The following UFL1 variants were observed in gnomAD, a reference collection of about 807,000 sequenced individuals.
The protein encoded by UFL1 is E3 UFM1-protein ligase 1.
A neutral mutation model predicts 99.3 loss-of-function variants in UFL1; 78 were observed. The ratio of observed to expected loss-of-function variants is 0.79; its 90% CI spans 0.65 to 0.95. The LOEUF is 0.95. Ranked by LOEUF, UFL1 falls within the 40% of genes least tolerant of loss-of-function variation. The pLI is 0.00. For missense variants in UFL1, 936 were observed against 937.0 expected, an observed-to-expected ratio of 1.00 and a Z score of 0.01; for synonymous variants, 335 against 322.2, an observed-to-expected ratio of 1.04 and a Z score of -0.42.
chr6:96,552,294 G>A (rs573659028), intron 17 of UFL1, among the ~76,000 whole-genome samples, 188 bp from the exon 18 acceptor site: 1 of 151,862 alleles, frequency 6.6e-6, no homozygotes, highest in Non-Finnish European at 1.5e-5. Context: ...CTTTAATTTT[G>A]TAGCACACTA....
chr6:96,537,142 AC>A (rs1043671098), intron 8 of UFL1, among the ~76,000 whole-genome samples: 2 of 151,656 alleles, frequency 1.3e-5, no homozygotes, highest in African/African-American at 2.4e-5. Flanking sequence ...TTTTTTCCTT[AC>A]GTTTTCTTGA....
intron 12 of UFL1, among the ~76,000 whole-genome samples, chr6:96,543,396 A>G (rs558923067): frequency 1.3e-5 from 2 of 151,392 alleles, no homozygotes; most frequent in Non-Finnish European, 3.0e-5. Flanking sequence ...CAAAGCATGT[A>G]GCTGTATTGC....
intron 9 of UFL1, among the ~76,000 whole-genome samples, 176 bp downstream of exon 9, chr6:96,537,725 AT>A (rs758100106): frequency 4.5e-4 from 69 of 151,968 alleles, no homozygotes; most frequent in Middle Eastern, 6.8e-3. Context: ...GACCTTCTAC[AT>A]GTGGACAGTC....
At chr6:96,522,172 G>A (rs1432378029) in intron 1 of UFL1, among the ~76,000 whole-genome samples, 1 of 152,194 alleles carries the variant, frequency 6.6e-6, no homozygotes, top group Non-Finnish European at 1.5e-5. Flanking sequence ...CAGCCCAGCT[G>A]CAGCGAAATG....
At chr6:96,532,618 T>C (rs928420968) in intron 6 of UFL1, among the ~76,000 whole-genome samples, 31 of 152,216 alleles carry the variant, frequency 2.0e-4, no homozygotes, top group Non-Finnish European at 4.4e-4. Flanking sequence ...TATGGCTTCA[T>C]TGGTTTCTCC....
intron 2 of UFL1, among the ~76,000 whole-genome samples, chr6:96,524,167 TAA>T (rs76513020): frequency 8.5e-5 from 12 of 141,002 alleles, no homozygotes; most frequent in African/African-American, 2.3e-4. Flanking sequence ...TGATGTTATT[TAA>T]AAAAAAAAAA....
Position 96,527,145 on chromosome 6 carries a change from TG to T in UFL1, c.465+711del, listed in dbSNP as rs139853788. Reference sequence around the variant, plus strand: ...TTACTTTTTTCTGTTTTTTTTTGTTTGTTTTTTTAGAATCATAGAAATTCAT... The same window carrying T: ...TTACTTTTTTCTGTTTTTTTTTGTTTTTTTTTTAGAATCATAGAAATTCAT... On this transcript the variant is annotated intron_variant, in intron 5 of 18. Transcript: ENST00000369278. Among the ~76,000 whole-genome samples the T allele has an allele frequency of 9.5e-3, 1,452 of 152,298 alleles. 24 individuals are homozygous for T. The highest frequency in any genetic ancestry group is 0.033 in the African/African-American group (1,389 of 41,566).
chr6:96,524,495 T>C, intron 3 of UFL1, 85 bp downstream of exon 3: 1 of 1,030,232 alleles, frequency 9.7e-7, no homozygotes, highest in South Asian at 1.7e-5. Context: ...CTAATGCTGG[T>C]ATCATATTTT....
Position 96,538,820 on chromosome 6 carries a change from ATTTCC to A in UFL1, c.1158+14_1158+18del. On this transcript the variant is annotated intron_variant, in intron 10 of 18. Coordinates refer to ENST00000369278, the MANE Select transcript of UFL1 (RefSeq NM_015323.5). ...CCAGAAAGCTGAAAAGGTATTCCAG[ATTTCC>A]TTTTATCTGCTAATCTTAATAATAT... 1 of 1,579,790 alleles carries A rather than the reference ATTTCC, an allele frequency of 6.3e-7. No homozygotes were observed.
At position 96,551,849 on chromosome 6, in the gene UFL1, C is replaced by T. The variant is rs1127175; in HGVS notation, c.1911C>T (p.Asp637=). The change falls in exon 17 of 19, where the codon GAC becomes GAT. Residue 637 remains aspartate (D), a synonymous_variant. Transcript: ENST00000369278. Reference sequence around the variant, plus strand: ...CAATGCCTTTTCAGAGCATAGAAGACTTTATTTCTTGTCTGGATTCTGCAG... The same window carrying T: ...CAATGCCTTTTCAGAGCATAGAAGATTTTATTTCTTGTCTGGATTCTGCAG... The part of the protein sequence containing the change: ...HNSLNEKSIE[D]FISCLDSAAE... 0.34 allele frequency: 540,966 copies of T among 1,596,858 alleles called. 93,171 individuals are homozygous for T. The highest frequency in any genetic ancestry group is 0.42 in the Middle Eastern group (2,490 of 5,988).
Position 96,553,634 on chromosome 6 carries a change from T to A in UFL1, c.*131T>A. 1 of 651,020 alleles carries A rather than the reference T, an allele frequency of 1.5e-6. No individual in the cohort carries two copies. Among genetic ancestry groups the A allele is most frequent in the Admixed American group, 3.0e-5 (1 of 33,718 alleles). 40.3% of individuals were successfully genotyped at this position (651,020 alleles called of 1,614,324 possible). A position where few individuals can be genotyped will look rare whatever the true frequency, so the allele number is the denominator to read the frequency against. Reference sequence around the variant, plus strand: ...CCACCTCATACACACACAATTCAGTTAAAACAGTAGTATTGTATTAAATGT... The same window carrying A: ...CCACCTCATACACACACAATTCAGTAAAAACAGTAGTATTGTATTAAATGT... On this transcript the variant is annotated 3_prime_UTR_variant, in exon 19 of 19. Transcript: ENST00000369278.
chr6:96,524,054 A>G (rs1219651110), intron 2 of UFL1, among the ~76,000 whole-genome samples: 4 of 152,078 alleles, frequency 2.6e-5, no homozygotes, highest in South Asian at 2.1e-4. Flanking sequence ...TTAGTTGTCA[A>G]TATCTCTTTG....
chr6:96,541,040 C>G lies in UFL1; in HGVS notation c.1279+385C>G, dbSNP rs144261525. ...GTTCCTTTTACCTGGAATGCCCTCT[C>G]CCAGACTGTAAGTAACTGGTGTATT... On this transcript the variant is annotated intron_variant, in intron 11 of 18. Coordinates refer to ENST00000369278, the MANE Select transcript of UFL1 (RefSeq NM_015323.5). Among the ~76,000 whole-genome samples the G allele has an allele frequency of 3.7e-3, 565 of 151,450 alleles. 3 individuals carry two copies. Among genetic ancestry groups the G allele is most frequent in the African/African-American group, 0.013 (534 of 41,436 alleles).
chr6:96,543,027 T>C lies in UFL1; in HGVS notation c.1402+11T>C. 1 of 1,582,754 alleles carries C rather than the reference T, an allele frequency of 6.3e-7. No individual in the cohort carries two copies. The highest frequency in any genetic ancestry group is 8.6e-7 in the Non-Finnish European group (1 of 1,165,414). Reference sequence around the variant, plus strand: ...AATCATCCCACACTGGTAGGTAGCTTTTCTTTACTTTTCCTTGGTGTATGT... The same window carrying C: ...AATCATCCCACACTGGTAGGTAGCTCTTCTTTACTTTTCCTTGGTGTATGT... On this transcript the variant is annotated intron_variant, in intron 12 of 18. Coordinates refer to ENST00000369278, the MANE Select transcript of UFL1 (RefSeq NM_015323.5).
chr6:96,522,091 G>A (rs889579550), intron 1 of UFL1, 141 bp downstream of exon 1: 44 of 1,037,630 alleles, frequency 4.2e-5, no homozygotes, highest in Non-Finnish European at 5.3e-5. Context: ...CCTCTGTCCC[G>A]AGCCTGGATC....
chr6:96,539,263 T>TTAGTTCC (rs1769898653), intron 10 of UFL1, among the ~76,000 whole-genome samples: 1 of 151,666 alleles, frequency 6.6e-6, no homozygotes, highest in Non-Finnish European at 1.5e-5. Context: ...TTACTATTTA[T>TTAGTTCC]TAGTTCCTCA....
chr6:96,528,952 A>C (rs1769741334), intron 6 of UFL1, among the ~76,000 whole-genome samples: 1 of 152,200 alleles, frequency 6.6e-6, no homozygotes, highest in African/African-American at 2.4e-5. Flanking sequence ...TCATGGAAAG[A>C]ACATGCAATT....
intron 6 of UFL1, among the ~76,000 whole-genome samples, chr6:96,529,117 A>G (rs1207870312): frequency 6.6e-6 from 1 of 152,234 alleles, no homozygotes; most frequent in African/African-American, 2.4e-5. Context: ...GTAATGAATA[A>G]CAATGTTACT....
chr6:96,525,257 T>C, intron 3 of UFL1, 40 bp from the exon 4 acceptor site: 2 of 1,432,662 alleles, frequency 1.4e-6, no homozygotes, highest in Non-Finnish European at 1.9e-6. Flanking sequence ...TAAGAAACAA[T>C]ACAAACTAAT....
Sources: gnomAD v4.1 joint callset for allele counts (sites outside exome capture counted in the v4.1 genomes callset) on GRCh38, gnomAD v4.1.1 for gene constraint, MANE v1.5 for transcripts, NCBI Gene and HGNC (gene_info 2026-07-23, HGNC 2026-07-21) for gene names.